Variants in TENM2 observed in about 807,000 individuals in gnomAD.
TENM2 encodes teneurin transmembrane protein 2.
A neutral mutation model predicts 245.2 loss-of-function variants in TENM2; 52 were observed. The observed-to-expected ratio is 0.21, with a 90% CI of 0.17 to 0.27. The LOEUF (loss-of-function observed/expected upper bound fraction) is 0.27. Among genes scored for constraint, TENM2 ranks in the 10% least tolerant of loss-of-function variants. The probability of loss-of-function intolerance (pLI) is 1.00; values close to 1 mark genes in which losing one functional copy is unlikely to be tolerated. For missense variants in TENM2, 3,046 were observed against 3,666.8 expected (o/e 0.83, Z 4.37); for synonymous variants, 1,363 against 1,438.9 (o/e 0.95, Z 1.19).
intron 1 of TENM2, among the ~76,000 whole-genome samples, chr5:167,367,726 T>C (rs1434981476): frequency 2.0e-5 from 3 of 152,142 alleles, no homozygotes; most frequent in Non-Finnish European, 4.4e-5. Context: ...ATATCTACAA[T>C]TGGCCAACAT....
At chr5:167,979,081 G>A (rs1377575681) in intron 4 of TENM2, among the ~76,000 whole-genome samples, 1 of 152,196 alleles carries the variant, frequency 6.6e-6, no homozygotes, top group African/African-American at 2.4e-5. Context: ...GTTGACATCT[G>A]AAAGACTGTC....
intron 2 of TENM2, chr5:167,660,065 T>C (rs1039197279): frequency 2.0e-5 from 3 of 152,168 alleles, no homozygotes; most frequent in African/African-American, 7.2e-5. Context: ...TACCATGCTT[T>C]ACGGTGCTTT....
In TENM2 at chr5:167,408,368, G is replaced by A. The variant is rs148010911; in HGVS notation, c.502+32895G>A. ...GGACCTGGGTGTTGAATGAACTGAG[G>A]ATCTCTTTGGCAAGAAGCTCTAGTA... On this transcript the variant is annotated intron_variant, in intron 2 of 28. Transcript: ENST00000518659. Among the ~76,000 whole-genome samples, 334 of 152,156 alleles carry A rather than the reference G, an allele frequency of 2.2e-3. 3 individuals carry two copies. Among genetic ancestry groups the A allele is most frequent in the African/African-American group, 7.6e-3 (315 of 41,532 alleles).
intron 2 of TENM2, among the ~76,000 whole-genome samples, chr5:167,509,136 G>T (rs1230666063): frequency 6.6e-6 from 1 of 152,148 alleles, no homozygotes; most frequent in African/African-American, 2.4e-5. Flanking sequence ...ATATTTTAGC[G>T]TGTGCTATTT....
At chr5:167,271,416 G>T in the TENM2 span, among the ~76,000 whole-genome samples, 2 of 152,028 alleles carry the variant, frequency 1.3e-5, no homozygotes, top group Admixed American at 6.6e-5. Context: ...TAACCATGCT[G>T]TCTTTCTTGA....
intron 2 of TENM2, among the ~76,000 whole-genome samples, chr5:167,566,515 T>C (rs2127651343): frequency 6.6e-6 from 1 of 152,298 alleles, no homozygotes; most frequent in South Asian, 2.1e-4. Flanking sequence ...GTGAATTGCT[T>C]TTGTGATTGT....
intron 2 of TENM2, among the ~76,000 whole-genome samples, chr5:167,506,663 C>G (rs908475886): frequency 1.3e-5 from 2 of 152,138 alleles, no homozygotes; most frequent in Non-Finnish European, 2.9e-5. Flanking sequence ...TTTCCTGATG[C>G]CCAATCTCAT....
intron 1 of TENM2, among the ~76,000 whole-genome samples, chr5:167,351,133 A>G (rs1051707375): frequency 1.5e-5 from 2 of 134,000 alleles, no homozygotes; most frequent in South Asian, 2.5e-4. Flanking sequence ...GGATATATAT[A>G]TGGGATATAT....
the TENM2 span, among the ~76,000 whole-genome samples, chr5:167,192,281 G>A: frequency 1.3e-5 from 2 of 151,986 alleles, no homozygotes; most frequent in Non-Finnish European, 2.9e-5. Flanking sequence ...TTTTGTGTGT[G>A]TGTATTCTTG....
chr5:167,270,967 G>T, the TENM2 span, among the ~76,000 whole-genome samples: 1 of 152,094 alleles, frequency 6.6e-6, no homozygotes, highest in Non-Finnish European at 1.5e-5. Context: ...CTAACTCAAG[G>T]CCTGGTGACT....
At chr5:167,555,060 T>A (rs1485869661) in intron 2 of TENM2, among the ~76,000 whole-genome samples, 1 of 152,186 alleles carries the variant, frequency 6.6e-6, no homozygotes, top group Non-Finnish European at 1.5e-5. Flanking sequence ...CACTTTCCTT[T>A]CTGCCGCAGC....
At chr5:167,693,131 G>A (rs1350419742) in intron 2 of TENM2, among the ~76,000 whole-genome samples, 1 of 152,174 alleles carries the variant, frequency 6.6e-6, no homozygotes, top group Non-Finnish European at 1.5e-5. Flanking sequence ...GCTATTAGTA[G>A]AGTGTGGCTG....
intron 1 of TENM2, among the ~76,000 whole-genome samples, chr5:167,314,504 TA>T (rs1271537730): frequency 6.6e-6 from 1 of 152,150 alleles, no homozygotes; most frequent in Admixed American, 6.5e-5. Flanking sequence ...TAAAGAGAAT[TA>T]AAATCTTGAA....
At chr5:167,527,583 A>G (rs1422321137) in intron 2 of TENM2, among the ~76,000 whole-genome samples, 2 of 152,166 alleles carry the variant, frequency 1.3e-5, no homozygotes, top group South Asian at 2.1e-4. Context: ...GTTTTTTCTT[A>G]GAGCATTTCT....
the TENM2 span, among the ~76,000 whole-genome samples, chr5:167,009,880 T>G: frequency 3.3e-5 from 5 of 152,224 alleles, no homozygotes; most frequent in African/African-American, 1.2e-4. Flanking sequence ...GAAAAGTATC[T>G]GAATTGGGAA....
intron 2 of TENM2, among the ~76,000 whole-genome samples, chr5:167,553,887 G>A (rs1773106954): frequency 6.6e-6 from 1 of 152,206 alleles, no homozygotes; most frequent in Non-Finnish European, 1.5e-5. Flanking sequence ...GATCCCAGGT[G>A]GGCCAGGCAG....
intron 3 of TENM2, among the ~76,000 whole-genome samples, chr5:167,912,226 C>A (rs60925266): frequency 6.6e-6 from 1 of 152,090 alleles, no homozygotes; most frequent in Non-Finnish European, 1.5e-5. Flanking sequence ...TCAGATACCA[C>A]GTGTAATTGA....
At chr5:167,876,805 G>A (rs1000521253) in intron 3 of TENM2, among the ~76,000 whole-genome samples, 1 of 152,044 alleles carries the variant, frequency 6.6e-6, no homozygotes, top group African/African-American at 2.4e-5. Context: ...GTGGTACTAT[G>A]GTAAATACTG....
At chr5:167,977,059 A>G (rs1237659571) in intron 4 of TENM2, among the ~76,000 whole-genome samples, 2 of 152,222 alleles carry the variant, frequency 1.3e-5, no homozygotes, top group Admixed American at 1.3e-4. Flanking sequence ...GCAAACTAAC[A>G]CAGGAACAGA....
Sources: allele counts gnomAD v4.1 joint callset (sites outside exome capture counted in the v4.1 genomes callset), GRCh38; gene constraint gnomAD v4.1.1; transcripts MANE v1.5; gene names NCBI Gene and HGNC (gene_info 2026-07-23, HGNC 2026-07-21).